The following KIAA0825 variants were observed in gnomAD, a reference collection of about 807,000 sequenced individuals.
KIAA0825 encodes the protein uncharacterized protein KIAA0825.
Under a neutral mutation model 147.6 loss-of-function variants are expected in KIAA0825, and 119 were observed. That is an observed-to-expected ratio of 0.81 (90% CI 0.69 to 0.94). The LOEUF is 0.94. Among genes scored for constraint, KIAA0825 ranks in the 40% least tolerant of loss-of-function variants. KIAA0825 has a pLI of 0.00. For missense variants in KIAA0825, 1,381 were observed against 1,472.7 expected (o/e 0.94, Z 1.02); for synonymous variants, 470 against 518.1 (o/e 0.91, Z 1.26).
intron 5 of KIAA0825, among the ~76,000 whole-genome samples, chr5:94,493,739 C>T (rs1020684763): frequency 6.6e-6 from 1 of 152,084 alleles, no homozygotes; most frequent in Non-Finnish European, 1.5e-5. Flanking sequence ...CTGCCCGCCT[C>T]GGCCTCCCAA....
chr5:94,168,354 CA>C (rs1349239107), intron 20 of KIAA0825, among the ~76,000 whole-genome samples: 2 of 152,150 alleles, frequency 1.3e-5, no homozygotes, highest in African/African-American at 4.8e-5. Flanking sequence ...GAACAAGCAA[CA>C]AAACCCTTAA....
chr5:94,592,861 C>T (rs554629253), intron 1 of KIAA0825: 24 of 581,426 alleles, frequency 4.1e-5, no homozygotes, highest in Admixed American at 7.1e-5. Flanking sequence ...GTTTCAATTT[C>T]GACTCATCAG....
chr5:94,255,577 G>A (rs2150126341), intron 20 of KIAA0825, among the ~76,000 whole-genome samples: 1 of 151,972 alleles, frequency 6.6e-6, no homozygotes, highest in African/African-American at 2.4e-5. Flanking sequence ...AGGGGAGATG[G>A]GCAGAAATAT....
intron 20 of KIAA0825, among the ~76,000 whole-genome samples, chr5:94,373,321 C>T (rs1462262229): frequency 6.6e-6 from 1 of 152,178 alleles, no homozygotes; most frequent in African/African-American, 2.4e-5. Flanking sequence ...TACCAATTTA[C>T]TGTATTAGTT....
At chr5:94,611,668 G>T (rs1002870649) in intron 1 of KIAA0825, among the ~76,000 whole-genome samples, 2 of 148,558 alleles carry the variant, frequency 1.3e-5, no homozygotes, top group Non-Finnish European at 1.5e-5. Context: ...GCATGAGGCT[G>T]GGCATGGTGC....
chr5:94,386,283 T>A lies in KIAA0825; in HGVS notation c.3578A>T (p.His1193Leu). ...GTTTTCACTAAACGCCTTATACACATGGAAAGGGTTAAAGGCAGAAGGCTG... is the reference window on the plus strand; with the variant it reads ...GTTTTCACTAAACGCCTTATACACAAGGAAAGGGTTAAAGGCAGAAGGCTG... Reference protein sequence around the residue: ...EDQPSAFNPFHVYKAFSENML... With the variant: ...EDQPSAFNPFLVYKAFSENML... Residue 1193 changes from histidine (H) to leucine (L), a missense_variant, in exon 19 of 21, where the codon CAT (histidine) becomes CTT (leucine). Transcript: ENST00000682413. The A allele has an allele frequency of 6.4e-7, 1 of 1,551,378 alleles. No homozygotes were observed. Among genetic ancestry groups the A allele is most frequent in the Non-Finnish European group, 8.7e-7 (1 of 1,146,790 alleles).
chr5:94,258,466 G>A (rs10463186), intron 20 of KIAA0825, among the ~76,000 whole-genome samples: 20,225 of 151,940 alleles, frequency 0.13, 1,585 homozygotes, highest in East Asian at 0.22. Flanking sequence ...TGGCCACTTG[G>A]AGAATAGATC....
intron 15 of KIAA0825, among the ~76,000 whole-genome samples, chr5:94,410,504 C>G (rs183406292): frequency 2.0e-5 from 3 of 151,948 alleles, no homozygotes; most frequent in Admixed American, 2.0e-4. Flanking sequence ...AAACCCTAGG[C>G]AGAAAAAAAT....
Position 94,386,271 on chromosome 5 carries a change from G to T in KIAA0825, c.3590C>A (p.Ala1197Glu). 1.3e-6 allele frequency: 2 copies of T among 1,550,672 alleles called. No individual in the cohort carries two copies. Among genetic ancestry groups the T allele is most frequent in the Non-Finnish European group, 1.7e-6 (2 of 1,146,530 alleles). ...CTGATCTAGCATGTTTTCACTAAACGCCTTATACACATGGAAAGGGTTAAA... is the reference window on the plus strand; with the variant it reads ...CTGATCTAGCATGTTTTCACTAAACTCCTTATACACATGGAAAGGGTTAAA... ...SAFNPFHVYK[A>E]FSENMLDQVS... is the part of the protein sequence containing the mutation. The change falls in exon 19 of 21, where the codon GCG (alanine) becomes GAG (glutamate). Residue 1197 changes from alanine to glutamate, a missense_variant. By Grantham distance (107) the Ala-to-Glu change is moderately radical. Transcript: ENST00000682413.
At chr5:94,255,671 G>GA (rs1261133431) in intron 20 of KIAA0825, among the ~76,000 whole-genome samples, 1 of 136,204 alleles carries the variant, frequency 7.3e-6, no homozygotes, top group Non-Finnish European at 1.6e-5. Context: ...TTGTTTAGGA[G>GA]AAAATTGATT....
intron 20 of KIAA0825, among the ~76,000 whole-genome samples, chr5:94,227,463 G>A (rs1391637191): frequency 4.0e-5 from 6 of 151,382 alleles, no homozygotes; most frequent in Admixed American, 3.9e-4. Flanking sequence ...CGAGTTAATG[G>A]GTGCAGCACA....
chr5:94,158,244 C>T (rs571603887), intron 20 of KIAA0825, among the ~76,000 whole-genome samples: 3 of 152,082 alleles, frequency 2.0e-5, no homozygotes, highest in African/African-American at 7.2e-5. Flanking sequence ...TGATCTCACT[C>T]AATAATGTCA....
intron 2 of KIAA0825, among the ~76,000 whole-genome samples, chr5:94,552,712 C>T (rs1176860474): frequency 6.6e-6 from 1 of 152,158 alleles, no homozygotes; most frequent in African/African-American, 2.4e-5. Context: ...ACAAATGAAA[C>T]ATGGCAACAT....
intron 1 of KIAA0825, among the ~76,000 whole-genome samples, chr5:94,590,066 T>C (rs1784072978): frequency 6.6e-6 from 1 of 152,150 alleles, no homozygotes; most frequent in South Asian, 2.1e-4. Flanking sequence ...CTTGGCTCAC[T>C]GCAACCTCTG....
Position 94,403,770 on chromosome 5 carries a change from G to C in KIAA0825, c.2686C>G (p.Leu896Val). The C allele has an allele frequency of 6.4e-7, 1 of 1,551,434 alleles. No individual in the cohort carries two copies. The highest frequency in any genetic ancestry group is 2.4e-5 in the East Asian group (1 of 40,910). Residue 896 changes from leucine (L) to valine (V), a missense_variant, in exon 16 of 21, where the codon CTA becomes GTA. Leu to Val is a conservative substitution (Grantham distance 32). Coordinates refer to ENST00000682413, the MANE Select transcript of KIAA0825 (RefSeq NM_001145678.3). ...IPVSTCVEYE[L>V]EVIRCLRLAL... ...AGTCTCAAGCATCGGATGACCTCTA[G>C]CTCGTACTCCACGCACGTTGAGACT...
chr5:94,437,018 C>T (rs954646901), intron 14 of KIAA0825, among the ~76,000 whole-genome samples: 5 of 151,980 alleles, frequency 3.3e-5, no homozygotes, highest in African/African-American at 7.2e-5. Flanking sequence ...AAGTGAAAAA[C>T]ACACTATTTA....
At chr5:94,519,991 G>GA (rs1212847467) in intron 5 of KIAA0825, 1 of 1,091,400 alleles carries the variant, frequency 9.2e-7, no homozygotes, top group African/African-American at 1.6e-5. Flanking sequence ...ATGCAATCAA[G>GA]AGAAATTAAA....
At position 94,194,205 on chromosome 5, in the gene KIAA0825, C is replaced by A. The variant is rs533287068; in HGVS notation, c.3711-40081G>T. 3.3e-5 allele frequency among the ~76,000 whole-genome samples: 5 copies of A among 152,288 alleles called. No homozygotes were observed. In the South Asian group the frequency reaches 1.0e-3, roughly 32 times the overall value. ...TCTGCCCTCCCCAGGCTCCTGCTAA[C>A]CCCTCATGCTGAAAGCCATTCTTTT... On this transcript the variant is annotated intron_variant, in intron 20 of 20. Coordinates refer to ENST00000682413, the MANE Select transcript of KIAA0825 (RefSeq NM_001145678.3).
intron 20 of KIAA0825, among the ~76,000 whole-genome samples, chr5:94,169,861 C>T (rs2149945441): frequency 6.6e-6 from 1 of 152,108 alleles, no homozygotes; most frequent in Middle Eastern, 3.4e-3. Flanking sequence ...TTCATTTAGC[C>T]CTCACAATTT....
Sources: allele counts gnomAD v4.1 joint callset (sites outside exome capture counted in the v4.1 genomes callset), GRCh38; gene constraint gnomAD v4.1.1; transcripts MANE v1.5; gene names NCBI Gene and HGNC (gene_info 2026-07-23, HGNC 2026-07-21).